The following PDE1C variants were observed in gnomAD, a reference collection of about 807,000 sequenced individuals.
The protein encoded by PDE1C is phosphodiesterase 1C.
PDE1C carries 62 observed loss-of-function variants against 93.1 expected under a neutral mutation model. The ratio of observed to expected loss-of-function variants is 0.67; its 90% confidence interval spans 0.54 to 0.82. The LOEUF (loss-of-function observed/expected upper bound fraction) is 0.82. PDE1C is among the 40% of genes least tolerant of loss of function. The pLI is 0.00. For missense variants in PDE1C, 742 were observed against 884.6 expected (o/e 0.84, Z 2.04); for synonymous variants, 325 against 310.1 (o/e 1.05, Z -0.50).
intron 3 of PDE1C, among the ~76,000 whole-genome samples, chr7:32,121,152 G>A (rs1273493144): frequency 6.6e-6 from 1 of 152,132 alleles, no homozygotes; most frequent in Non-Finnish European, 1.5e-5. Context: ...CCACCTTGCT[G>A]AAATAAGGCA....
At chr7:32,415,397 G>A (rs1785253584) in intron 1 of PDE1C, among the ~76,000 whole-genome samples, 1 of 152,140 alleles carries the variant, frequency 6.6e-6, no homozygotes, top group South Asian at 2.1e-4. Context: ...GTTGCAGTGA[G>A]CCGAGATCAC....
chr7:31,993,058 T>G (rs964626755), intron 2 of PDE1C, among the ~76,000 whole-genome samples: 4 of 152,216 alleles, frequency 2.6e-5, no homozygotes, highest in Non-Finnish European at 4.4e-5. Flanking sequence ...TTCTTATGGA[T>G]GCTTTTCATA....
At chr7:31,695,542 C>A in the PDE1C span, 2 of 1,613,732 alleles carry the variant, frequency 1.2e-6, no homozygotes, top group Non-Finnish European at 1.7e-6. Flanking sequence ...ATGTACAGGC[C>A]ACCCTGAATG....
intron 1 of PDE1C, among the ~76,000 whole-genome samples, chr7:32,390,541 GAAAAAA>G (rs753651084): frequency 0.029 from 2,695 of 93,060 alleles, 28 homozygotes; most frequent in Non-Finnish European, 0.037. Flanking sequence ...AGTGATCATT[GAAAAAA>G]AAAAAAAAAA....
At chr7:32,168,921 G>A (rs1423539373) in intron 3 of PDE1C, among the ~76,000 whole-genome samples, 1 of 152,126 alleles carries the variant, frequency 6.6e-6, no homozygotes, top group East Asian at 1.9e-4. Flanking sequence ...AATTGTTTAT[G>A]GGGAGAGAAA....
intron 15 of PDE1C, among the ~76,000 whole-genome samples, chr7:31,811,132 C>T (rs1367532825): frequency 6.6e-6 from 1 of 151,996 alleles, no homozygotes; most frequent in African/African-American, 2.4e-5. Flanking sequence ...GGGGCAGTTT[C>T]CCCCATACTG....
chr7:32,178,853 A>G (rs1043730175), intron 2 of PDE1C, among the ~76,000 whole-genome samples: 9 of 152,310 alleles, frequency 5.9e-5, no homozygotes, highest in African/African-American at 2.2e-4. Context: ...GACTGGCAGC[A>G]TCTGTACCAC....
the PDE1C span, among the ~76,000 whole-genome samples, chr7:31,735,317 G>T: frequency 0.23 from 34,267 of 151,444 alleles, 5,656 homozygotes; most frequent in African/African-American, 0.45. Flanking sequence ...AGAATCGCTT[G>T]AACCCAGGAG....
At chr7:32,103,604 A>G (rs1798143075) in intron 3 of PDE1C, among the ~76,000 whole-genome samples, 1 of 152,222 alleles carries the variant, frequency 6.6e-6, no homozygotes. Flanking sequence ...AGGAAACAGG[A>G]AAGCCCAACA....
At chr7:32,097,280 C>T (rs1475072811) in intron 3 of PDE1C, among the ~76,000 whole-genome samples, 1 of 152,154 alleles carries the variant, frequency 6.6e-6, no homozygotes, top group Non-Finnish European at 1.5e-5. Context: ...CTGCACAGCC[C>T]AGTAAAGGTG....
At chr7:32,203,226 T>A (rs1042589614) in intron 2 of PDE1C, among the ~76,000 whole-genome samples, 1 of 151,762 alleles carries the variant, frequency 6.6e-6, no homozygotes, top group African/African-American at 2.4e-5. Context: ...ACATATTTCT[T>A]CTTCTTCTTT....
At chr7:31,979,600 G>A (rs182343708) in intron 2 of PDE1C, among the ~76,000 whole-genome samples, 40 of 152,208 alleles carry the variant, frequency 2.6e-4, no homozygotes, top group Admixed American at 1.8e-3. Context: ...TCAAACCCAC[G>A]CAGTCTGGCT....
chr7:32,427,385 T>C (rs1785556518), intron 1 of PDE1C, among the ~76,000 whole-genome samples: 2 of 152,172 alleles, frequency 1.3e-5, no homozygotes, highest in African/African-American at 2.4e-5. Context: ...CTATGTTATC[T>C]ACCCTAAAGG....
chr7:32,154,212 T>C (rs1400319995), intron 3 of PDE1C, among the ~76,000 whole-genome samples: 2 of 152,144 alleles, frequency 1.3e-5, no homozygotes, highest in African/African-American at 4.8e-5. Context: ...TGAGCTGTGA[T>C]TGCACCACTG....
the PDE1C span, among the ~76,000 whole-genome samples, chr7:31,665,885 T>C: frequency 6.6e-6 from 1 of 152,180 alleles, no homozygotes; most frequent in Non-Finnish European, 1.5e-5. Context: ...TGTTGATTAG[T>C]AGTTTACCTC....
the PDE1C span, among the ~76,000 whole-genome samples, chr7:31,733,545 G>A: frequency 1.3e-5 from 2 of 152,210 alleles, no homozygotes; most frequent in African/African-American, 4.8e-5. Context: ...CAGTTATCCT[G>A]TCATCAGAAT....
the PDE1C span, among the ~76,000 whole-genome samples, chr7:31,638,653 C>T: frequency 1.3e-5 from 2 of 152,180 alleles, no homozygotes; most frequent in Non-Finnish European, 2.9e-5. Flanking sequence ...TGGATTATTT[C>T]CAATGAGAAA....
chr7:32,109,414 G>C (rs1244931670), intron 3 of PDE1C, among the ~76,000 whole-genome samples: 1 of 152,112 alleles, frequency 6.6e-6, no homozygotes, highest in Non-Finnish European at 1.5e-5. Flanking sequence ...AAAAAGCACA[G>C]AGAGCCCATC....
the PDE1C span, among the ~76,000 whole-genome samples, chr7:31,628,682 T>G: frequency 6.6e-6 from 1 of 152,036 alleles, no homozygotes; most frequent in South Asian, 2.1e-4. Context: ...GGTCTCAATC[T>G]CCTGACCTTG....
Sources: allele counts gnomAD v4.1 joint callset (sites outside exome capture counted in the v4.1 genomes callset), GRCh38; gene constraint gnomAD v4.1.1; transcripts MANE v1.5; gene names NCBI Gene and HGNC (gene_info 2026-07-23, HGNC 2026-07-21).